Variants in CPS1 observed in about 807,000 individuals in gnomAD.
CPS1 encodes carbamoyl-phosphate synthase 1.
CPS1 carries 109 observed loss-of-function variants against 174.6 expected under a neutral mutation model. That is an observed-to-expected ratio of 0.62 (90% CI 0.53 to 0.73). The LOEUF is 0.73. Among genes scored for constraint, CPS1 ranks in the 30% least tolerant of loss-of-function variants. The pLI is 0.00. For synonymous variants in CPS1, 637 were observed against 632.0 expected (o/e 1.01, Z -0.12); for missense variants, 1,689 against 1,821.9 (o/e 0.93, Z 1.33).
intron 1 of CPS1, among the ~76,000 whole-genome samples, chr2:210,483,383 C>G (rs534024300): frequency 8.7e-4 from 133 of 152,166 alleles, no homozygotes; most frequent in Non-Finnish European, 1.5e-3. Context: ...GGAAAGTAGT[C>G]TCATGAGTAA....
At chr2:210,509,927 A>G (rs532619739) in intron 1 of CPS1, among the ~76,000 whole-genome samples, 1 of 152,324 alleles carries the variant, frequency 6.6e-6, no homozygotes, top group East Asian at 1.9e-4. Context: ...GGAACAATCA[A>G]TATCGTGAAA....
At chr2:210,576,239 G>C (rs1008722688) in intron 2 of CPS1, 107 bp from the exon 3 acceptor site, 4 of 1,216,228 alleles carry the variant, frequency 3.3e-6, no homozygotes, top group Admixed American at 1.7e-5. Context: ...CATTCTTGTT[G>C]GATTCTTCTC....
rs568744838 is a variant in CPS1, at chr2:210,618,192, C to A, written c.2687+1651C>A. On this transcript the variant is annotated intron_variant, in intron 21 of 37. Transcript: ENST00000233072. ...GTTACAGATCATTTATAATATTTTT[C>A]TGACTTCCACATTCTGTTGCATTTA... 2.6e-5 allele frequency: 4 copies of A among 152,172 alleles called. No homozygotes were observed. The East Asian group carries it at 7.8e-4, about 29-fold the overall frequency. 9.4% of individuals were successfully genotyped at this position (152,172 alleles called of 1,614,324 possible).
At chr2:210,559,852 A>G (rs1453437872) in intron 1 of CPS1, among the ~76,000 whole-genome samples, 4 of 152,162 alleles carry the variant, frequency 2.6e-5, no homozygotes, top group Non-Finnish European at 5.9e-5. Flanking sequence ...GTCACACATG[A>G]ACAATTCTCA....
chr2:210,533,689 T>TA (rs1696174347), intron 1 of CPS1, among the ~76,000 whole-genome samples: 1 of 152,156 alleles, frequency 6.6e-6, no homozygotes, highest in African/African-American at 2.4e-5. Flanking sequence ...TGTAAAACTA[T>TA]AAAAACTCAT....
intron 21 of CPS1, among the ~76,000 whole-genome samples, chr2:210,622,861 GTT>G (rs1339616560): frequency 1.3e-5 from 2 of 150,478 alleles, no homozygotes; most frequent in Non-Finnish European, 3.0e-5. Flanking sequence ...GGCTGTAACT[GTT>G]TTTAATTTTT....
intron 1 of CPS1, among the ~76,000 whole-genome samples, chr2:210,495,077 A>G: frequency 6.6e-6 from 1 of 152,218 alleles, no homozygotes; most frequent in East Asian, 1.9e-4. Flanking sequence ...ATCATTGGTA[A>G]AATGGATGCA....
intron 1 of CPS1, among the ~76,000 whole-genome samples, chr2:210,528,767 C>T (rs1696039475): frequency 6.8e-6 from 1 of 146,462 alleles, no homozygotes; most frequent in Non-Finnish European, 1.5e-5. Context: ...AGAAAAAGAT[C>T]AAGAGGATTT....
chr2:210,495,939 CCTCCCTCTCTCA>C (rs1259031576), intron 1 of CPS1, among the ~76,000 whole-genome samples: 1 of 150,580 alleles, frequency 6.6e-6, no homozygotes, highest in Non-Finnish European at 1.5e-5. Context: ...TTCTTTTTTT[CCTCCCTCTCTCA>C]CTCCCTCCTT....
intron 25 of CPS1, 72 bp from the exon 26 acceptor site, chr2:210,647,791 C>G: frequency 6.7e-7 from 1 of 1,493,848 alleles, no homozygotes. Flanking sequence ...AGGAAATAGA[C>G]ACAATATTAG....
At chr2:210,576,636 A>G (rs1252070510) in intron 3 of CPS1, 146 bp downstream of exon 3, 2 of 893,308 alleles carry the variant, frequency 2.2e-6, no homozygotes, top group Non-Finnish European at 3.6e-6. Flanking sequence ...TCCTAGGTAC[A>G]TGAGAATAAT....
intron 30 of CPS1, among the ~76,000 whole-genome samples, chr2:210,656,894 C>G (rs2105918320): frequency 6.6e-6 from 1 of 152,174 alleles, no homozygotes; most frequent in South Asian, 2.1e-4. Context: ...ACCTGGAGAG[C>G]TTGTTAAACA....
In CPS1 at chr2:210,573,413, T is replaced by C; in HGVS notation, c.236+6T>C. On this transcript the variant is annotated splice_donor_region_variant and intron_variant, in intron 2 of 37. Coordinates refer to ENST00000233072, the MANE Select transcript of CPS1 (RefSeq NM_001875.5). ...TTTAATACTGGCCTGGGAGGGTGAG[T>C]AATGCTTTTCCAAGGCTTTATTTTT... The C allele has an allele frequency of 6.3e-7, 1 of 1,596,372 alleles. No homozygotes were observed. The highest frequency in any genetic ancestry group is 8.6e-7 in the Non-Finnish European group (1 of 1,164,158).
At chr2:210,581,681 T>G (rs1385104412) in intron 5 of CPS1, among the ~76,000 whole-genome samples, 1 of 152,168 alleles carries the variant, frequency 6.6e-6, no homozygotes, top group Non-Finnish European at 1.5e-5. Flanking sequence ...GTTCCCAGAC[T>G]TAGAGGCAGC....
At chr2:210,648,384 G>A (rs1700447814) in intron 26 of CPS1, 89 bp from the exon 27 acceptor site, 2 of 1,102,816 alleles carry the variant, frequency 1.8e-6, no homozygotes, top group Non-Finnish European at 2.7e-6. Flanking sequence ...AAAGAAGCTG[G>A]GCTACCACTC....
chr2:210,582,099 C>T (rs907002498), intron 5 of CPS1, among the ~76,000 whole-genome samples: 7 of 152,084 alleles, frequency 4.6e-5, no homozygotes, highest in Non-Finnish European at 8.8e-5. Flanking sequence ...TATGAACATG[C>T]CTAAACAGTG....
chr2:210,618,701 A>G (rs1199261304), intron 21 of CPS1: 1 of 152,036 alleles, frequency 6.6e-6, no homozygotes, highest in Non-Finnish European at 1.5e-5. Context: ...GATGGAATGA[A>G]TGTTAAGTAT....
At chr2:210,671,242 T>C (rs576582687) in intron 34 of CPS1, among the ~76,000 whole-genome samples, 1 of 152,278 alleles carries the variant, frequency 6.6e-6, no homozygotes, top group South Asian at 2.1e-4. Context: ...ACATCTGCGC[T>C]TCAGCATCGC....
At chr2:210,604,280 T>C (rs1698827518) in intron 16 of CPS1, among the ~76,000 whole-genome samples, 2 of 151,876 alleles carry the variant, frequency 1.3e-5, no homozygotes, top group Admixed American at 1.3e-4. Context: ...TTAATGCCTA[T>C]TAATAATTTG....
Sources: gnomAD v4.1 joint callset for allele counts (sites outside exome capture counted in the v4.1 genomes callset) on GRCh38, gnomAD v4.1.1 for gene constraint, MANE v1.5 for transcripts, NCBI Gene and HGNC (gene_info 2026-07-23, HGNC 2026-07-21) for gene names.